ACSL3: variants seen among roughly 807,000 people sequenced by gnomAD.
The protein encoded by ACSL3 is fatty acid CoA ligase Acsl3.
A neutral mutation model predicts 84.7 loss-of-function variants in ACSL3; 34 were observed. That is an observed-to-expected ratio of 0.40 (90% CI 0.31 to 0.53). ACSL3 has a LOEUF of 0.53. Ranked by LOEUF, ACSL3 falls within the 20% of genes least tolerant of loss-of-function variation. The pLI, the probability that ACSL3 is intolerant of heterozygous loss-of-function variation, is 0.48. For synonymous variants in ACSL3, 315 were observed against 299.4 expected, an observed-to-expected ratio of 1.05 and a Z score of -0.54; for missense variants, 680 against 873.1, an observed-to-expected ratio of 0.78 and a Z score of 2.79.
At chr2:222,931,058 A>G (rs1212094297) in intron 14 of ACSL3, among the ~76,000 whole-genome samples, 1 of 152,114 alleles carries the variant, frequency 6.6e-6, no homozygotes, top group East Asian at 1.9e-4. Flanking sequence ...ACCTTCAGTC[A>G]TTGTTTCCTG....
chr2:222,893,304 T>G (rs1695885703), intron 2 of ACSL3, among the ~76,000 whole-genome samples: 1 of 152,204 alleles, frequency 6.6e-6, no homozygotes, highest in Admixed American at 6.5e-5. Context: ...AGATTCCTTT[T>G]CATGATGGTG....
intron 3 of ACSL3, among the ~76,000 whole-genome samples, chr2:222,907,105 G>A (rs778577061): frequency 2.6e-5 from 4 of 152,160 alleles, no homozygotes; most frequent in Non-Finnish European, 4.4e-5. Context: ...AGTTATATCT[G>A]TTCTGTGAGT....
chr2:222,881,385 T>C (rs1695588504), intron 1 of ACSL3, among the ~76,000 whole-genome samples: 1 of 152,280 alleles, frequency 6.6e-6, no homozygotes, highest in Non-Finnish European at 1.5e-5. Context: ...GGCCTTGTTG[T>C]CCCTTACTTG....
chr2:222,910,853 T>G (rs1696422340), intron 4 of ACSL3, among the ~76,000 whole-genome samples: 1 of 152,204 alleles, frequency 6.6e-6, no homozygotes. Flanking sequence ...ATTCCCTATT[T>G]CTTTTGCAGA....
chr2:222,914,986 T>A (rs1696537731), intron 4 of ACSL3, among the ~76,000 whole-genome samples: 1 of 152,276 alleles, frequency 6.6e-6, no homozygotes, highest in Non-Finnish European at 1.5e-5. Context: ...TGCATGAGTT[T>A]ACATATTTAG....
chr2:222,863,276 G>A (rs919379846), intron 1 of ACSL3, among the ~76,000 whole-genome samples: 1 of 152,166 alleles, frequency 6.6e-6, no homozygotes, highest in Non-Finnish European at 1.5e-5. Flanking sequence ...TCTAGTCTAG[G>A]GAGCTGTTTT....
intron 3 of ACSL3, among the ~76,000 whole-genome samples, chr2:222,902,069 G>T (rs988180978): frequency 6.6e-6 from 1 of 151,040 alleles, no homozygotes; most frequent in African/African-American, 2.5e-5. Flanking sequence ...AAATACATGC[G>T]TGTAAATATA....
At position 222,901,964 on chromosome 2, in the gene ACSL3, A is replaced by AAAAAAAAG. The variant is rs57522671; in HGVS notation, c.-41+1184_-41+1185insAAAAAAAG. On this transcript the variant is annotated intron_variant, in intron 3 of 16. Coordinates refer to ENST00000357430, the MANE Select transcript of ACSL3 (RefSeq NM_004457.5). ...GTCTCAAAAAAAAAAAAAAAAAAAA[A>AAAAAAAAG]GAACTCAAATATTGTTGAGGTAGCA... 1.3e-3 allele frequency among the ~76,000 whole-genome samples: 132 copies of AAAAAAAAG among 99,404 alleles called. 9 individuals carry two copies. Among genetic ancestry groups the AAAAAAAAG allele is most frequent in the Admixed American group, 1.2e-3 (9 of 7,206 alleles). 65.2% of individuals were successfully genotyped at this position (99,404 alleles called of 152,430 possible). A position where few individuals can be genotyped will look rare whatever the true frequency, so the allele number is the denominator to read the frequency against.
rs1696824141 is a variant in ACSL3, at chr2:222,924,523, A to T, written c.1220A>T (p.Asn407Ile). 6.2e-7 allele frequency: 1 copy of T among 1,611,290 alleles called. No homozygotes were observed. The highest frequency in any genetic ancestry group is 8.5e-7 in the Non-Finnish European group (1 of 1,178,702). Residue 407 changes from asparagine to isoleucine, a missense_variant, in exon 11 of 17, where the codon AAT becomes ATT. By Grantham distance (149) the Asn-to-Ile change is moderately radical. Transcript: ENST00000357430. ...AGTGAAATGAGTAGTTTTCAACGTA[A>T]TCTGTTTATTCTGGCCTATAATTAC... The part of the protein sequence containing the change: ...KVSEMSSFQR[N>I]LFILAYNYKM...
At position 222,924,010 on chromosome 2, in the gene ACSL3, G is replaced by A. The variant is rs545209055; in HGVS notation, c.1153-446G>A. Among the ~76,000 whole-genome samples the A allele has an allele frequency of 2.0e-5, 3 of 152,246 alleles. No homozygotes were observed. The East Asian group carries it at 5.8e-4, about 29-fold the overall frequency. On this transcript the variant is annotated intron_variant, in intron 10 of 16. Coordinates refer to ENST00000357430, the MANE Select transcript of ACSL3 (RefSeq NM_004457.5). ...AGCCAAACAAAAACTCCCAAACGTTGCATGGTCTTTTTGTGAGCAAAGAAT... is the reference window on the plus strand; with the variant it reads ...AGCCAAACAAAAACTCCCAAACGTTACATGGTCTTTTTGTGAGCAAAGAAT...
intron 3 of ACSL3, among the ~76,000 whole-genome samples, chr2:222,903,949 A>T (rs1406463436): frequency 6.6e-6 from 1 of 152,226 alleles, no homozygotes; most frequent in Non-Finnish European, 1.5e-5. Flanking sequence ...AGTTAAAAAA[A>T]AAAAGCCCTT....
At chr2:222,923,285 T>G (rs1256941132) in intron 10 of ACSL3, 136 bp downstream of exon 10, 1 of 709,440 alleles carries the variant, frequency 1.4e-6, no homozygotes, top group African/African-American at 1.8e-5. Flanking sequence ...AAATATTGCC[T>G]TAGGCGCTAT....
chr2:222,941,509 A>T lies in ACSL3; in HGVS notation c.2018A>T (p.Lys673Met), dbSNP rs1307366749. The T allele has an allele frequency of 1.9e-6, 3 of 1,605,394 alleles. No individual in the cohort carries two copies. Among genetic ancestry groups the T allele is most frequent in the Non-Finnish European group, 2.5e-6 (3 of 1,176,692 alleles). ...TTAATCATCTTAGCAAGTCTGGAAAAGTTTGAAATTCCAGTAAAAATTCGT... is the reference window on the plus strand; with the variant it reads ...TTAATCATCTTAGCAAGTCTGGAAATGTTTGAAATTCCAGTAAAAATTCGT... ...SEAAISASLE[K>M]FEIPVKIRLS... The change falls in exon 17 of 17, where the codon AAG (lysine) becomes ATG (methionine). Residue 673 changes from lysine (K) to methionine (M), a missense_variant. Lys to Met is a moderately conservative substitution (Grantham distance 95). This residue lies in a region of ACSL3 where 347 missense variants were observed against 525.7 expected (regional missense o/e 0.66). Coordinates refer to ENST00000357430, the MANE Select transcript of ACSL3 (RefSeq NM_004457.5).
At chr2:222,930,359 A>G (rs977052152) in intron 13 of ACSL3, among the ~76,000 whole-genome samples, 1 of 152,246 alleles carries the variant, frequency 6.6e-6, no homozygotes, top group Non-Finnish European at 1.5e-5. Flanking sequence ...ATAATTTTAT[A>G]CAACAAATGG....
Position 222,918,922 on chromosome 2 carries a change from A to G in ACSL3, c.667-142A>G, listed in dbSNP as rs971553696. On this transcript the variant is annotated intron_variant, in intron 6 of 16. Coordinates refer to ENST00000357430, the MANE Select transcript of ACSL3 (RefSeq NM_004457.5). ...AATACTTAATCATCTGTAAAAAGTG[A>G]TATTATGCCAGTGTACCCTTTCTTC... 2.9e-5 allele frequency: 26 copies of G among 885,908 alleles called. No homozygotes were observed. The African/African-American group carries it at 3.1e-4, about 10-fold the overall frequency. 54.9% of individuals were successfully genotyped at this position (885,908 alleles called of 1,614,324 possible). A position where few individuals can be genotyped will look rare whatever the true frequency, so the allele number is the denominator to read the frequency against.
At chr2:222,926,969 A>T in intron 11 of ACSL3, 48 bp from the exon 12 acceptor site, 1 of 1,583,482 alleles carries the variant, frequency 6.3e-7, no homozygotes, top group Non-Finnish European at 8.6e-7. Context: ...GATTTGGAAA[A>T]TCCCATTCAG....
rs1696775173 is a variant in ACSL3, at chr2:222,922,792, C to G, written c.1041C>G (p.Cys347Trp). ...AGCTTGTCTGTCTTTCTCACGGATG[C>G]CGCATTGGTTACTCTTCACCACAGA... ...SAELVCLSHG[C>W]RIGYSSPQTL... Residue 347 changes from cysteine (C) to tryptophan (W), a missense_variant, in exon 9 of 17, where the codon TGC becomes TGG. Cys to Trp is a radical substitution (Grantham distance 215). Transcript: ENST00000357430. 6.2e-7 allele frequency: 1 copy of G among 1,614,032 alleles called. No homozygotes were observed. The highest frequency in any genetic ancestry group is 8.5e-7 in the Non-Finnish European group (1 of 1,180,004).
chr2:222,933,269 A>G lies in ACSL3; in HGVS notation c.1836A>G (p.Ala612=), dbSNP rs1423831021. The part of the protein sequence containing the change: ...KNLPLVDNIC[A]YANSYHSYVI... ...TTCCACTAGTAGATAACATTTGTGC[A>G]TATGCAAACAGGTAAGAACGTGGAA... The change falls in exon 15 of 17, where the codon GCA becomes GCG. Residue 612 remains alanine, a synonymous_variant. Transcript: ENST00000357430. 5 of 1,609,640 alleles carry G rather than the reference A, an allele frequency of 3.1e-6. No homozygotes were observed. Among genetic ancestry groups the G allele is most frequent in the East Asian group, 2.2e-5 (1 of 44,812 alleles).
At chr2:222,923,723 T>C (rs1696799731) in intron 10 of ACSL3, among the ~76,000 whole-genome samples, 1 of 152,238 alleles carries the variant, frequency 6.6e-6, no homozygotes, top group Non-Finnish European at 1.5e-5. Flanking sequence ...GGAATTATTG[T>C]CGGGTACCTA....
Sources: allele counts gnomAD v4.1 joint callset (sites outside exome capture counted in the v4.1 genomes callset), GRCh38; gene constraint gnomAD v4.1.1; regional missense constraint gnomAD v4.1.1; transcripts MANE v1.5; gene names NCBI Gene and HGNC (gene_info 2026-07-23, HGNC 2026-07-21).